LRRC37A3: variants seen among roughly 807,000 people sequenced by gnomAD.
The protein encoded by LRRC37A3 is leucine rich repeat containing 37 member A3.
A neutral mutation model predicts 106.2 loss-of-function variants in LRRC37A3; 25 were observed. The observed-to-expected ratio is 0.24, with a 90% CI of 0.17 to 0.33. The LOEUF (loss-of-function observed/expected upper bound fraction) is 0.33. Among genes scored for constraint, LRRC37A3 ranks in the 10% least tolerant of loss-of-function variants. The pLI is 1.00. For synonymous variants in LRRC37A3, 305 were observed against 635.8 expected, an observed-to-expected ratio of 0.48 and a Z score of 7.83; for missense variants, 712 against 1,644.9, an observed-to-expected ratio of 0.43 and a Z score of 9.81.
At chr17:64,915,082 TCAA>T (rs1249969787) in intron 2 of LRRC37A3, among the ~76,000 whole-genome samples, 3 of 151,988 alleles carry the variant, frequency 2.0e-5, no homozygotes, top group Non-Finnish European at 4.4e-5. Flanking sequence ...GTGACTAGAG[TCAA>T]CAATAACTTA....
chr17:64,865,528 TG>T (rs1335072245), intron 10 of LRRC37A3, among the ~76,000 whole-genome samples: 2 of 152,262 alleles, frequency 1.3e-5, no homozygotes, highest in African/African-American at 4.8e-5. Flanking sequence ...CATTTTCAAA[TG>T]GTATAATGAA....
At chr17:64,865,561 G>C (rs1973039449) in intron 10 of LRRC37A3, among the ~76,000 whole-genome samples, 1 of 152,076 alleles carries the variant, frequency 6.6e-6, no homozygotes, top group South Asian at 2.1e-4. Context: ...CTTTCATCTG[G>C]AATCAATAGT....
chr17:64,866,589 CATATATATATATATATATATATATAT>C (rs1212670512), intron 10 of LRRC37A3, among the ~76,000 whole-genome samples: 1 of 24,126 alleles, frequency 4.1e-5, no homozygotes, highest in Non-Finnish European at 7.5e-5. Context: ...TATACACGTA[CATATATATATATATATATATATATAT>C]ATATATATAT....
At chr17:64,915,866 G>A (rs1277017765) in intron 2 of LRRC37A3, among the ~76,000 whole-genome samples, 19 of 148,208 alleles carry the variant, frequency 1.3e-4, no homozygotes, top group Non-Finnish European at 1.7e-4. Flanking sequence ...GGGAGGCCAA[G>A]GTAGGCAGAT....
chr17:64,868,830 T>C (rs915921835), intron 9 of LRRC37A3, among the ~76,000 whole-genome samples: 1 of 152,216 alleles, frequency 6.6e-6, no homozygotes, highest in African/African-American at 2.4e-5. Flanking sequence ...TTTTCCCCTT[T>C]GCTTTCTTGG....
intron 8 of LRRC37A3, among the ~76,000 whole-genome samples, chr17:64,875,980 A>G (rs1973500108): frequency 6.6e-6 from 1 of 152,166 alleles, no homozygotes; most frequent in African/African-American, 2.4e-5. Flanking sequence ...CTGAACTACA[A>G]CGTTATAAAA....
chr17:64,857,235 A>G (rs1298168072), intron 13 of LRRC37A3, among the ~76,000 whole-genome samples: 1 of 152,248 alleles, frequency 6.6e-6, no homozygotes, highest in East Asian at 1.9e-4. Context: ...ATAACTAATT[A>G]GAAAATGGAA....
At chr17:64,901,374 C>CTTCACA (rs1399795377) in intron 2 of LRRC37A3, 2 of 150,120 alleles carry the variant, frequency 1.3e-5, no homozygotes, top group Non-Finnish European at 2.9e-5. Flanking sequence ...CTAGTAGACA[C>CTTCACA]TTCACATTAG....
intron 2 of LRRC37A3, among the ~76,000 whole-genome samples, chr17:64,912,992 A>G (rs1366327727): frequency 6.6e-6 from 1 of 150,666 alleles, no homozygotes; most frequent in Admixed American, 6.6e-5. Context: ...TTATACTACT[A>G]ATATAAAACA....
At chr17:64,904,138 C>CA (rs112214563) in intron 2 of LRRC37A3, among the ~76,000 whole-genome samples, 596 of 135,696 alleles carry the variant, frequency 4.4e-3, no homozygotes, top group South Asian at 0.016. Flanking sequence ...GACTCTGCTT[C>CA]AAAAAAAAAA....
At chr17:64,915,950 T>C (rs1358136716) in intron 2 of LRRC37A3, among the ~76,000 whole-genome samples, 3 of 151,824 alleles carry the variant, frequency 2.0e-5, no homozygotes, top group Non-Finnish European at 4.4e-5. Flanking sequence ...ATACAAAAAT[T>C]AGCCACACAT....
At chr17:64,858,908 G>A (rs756580917) in intron 12 of LRRC37A3, 25 bp from the exon 13 acceptor site, 18 of 1,461,894 alleles carry the variant, frequency 1.2e-5, no homozygotes, top group Non-Finnish European at 1.7e-5. Flanking sequence ...ACCAGAATGA[G>A]AGCTAACTAT....
intron 11 of LRRC37A3, 79 bp downstream of exon 11, chr17:64,862,821 A>C (rs1012595386): frequency 6.7e-7 from 1 of 1,483,206 alleles, no homozygotes; most frequent in African/African-American, 1.4e-5. Context: ...TTAGCTTAAA[A>C]TTTTATCATC....
intron 2 of LRRC37A3, among the ~76,000 whole-genome samples, chr17:64,913,648 G>T (rs1432827761): frequency 5.3e-5 from 8 of 151,612 alleles, no homozygotes; most frequent in Middle Eastern, 3.2e-3. Flanking sequence ...CCAAATAATG[G>T]TTTTTAATAT....
intron 8 of LRRC37A3, among the ~76,000 whole-genome samples, chr17:64,876,648 T>C (rs983825058): frequency 2.0e-5 from 3 of 152,182 alleles, no homozygotes; most frequent in Admixed American, 6.5e-5. Flanking sequence ...CAGAAAAATA[T>C]GAACTACTGA....
chr17:64,868,160 G>T (rs1973180935), intron 10 of LRRC37A3, among the ~76,000 whole-genome samples: 1 of 152,188 alleles, frequency 6.6e-6, no homozygotes, highest in Non-Finnish European at 1.5e-5. Flanking sequence ...AGACATTCTG[G>T]AAAAGGCAAA....
intron 8 of LRRC37A3, 32 bp from the exon 9 acceptor site, chr17:64,869,198 C>T (rs745990146): frequency 6.8e-6 from 11 of 1,608,274 alleles, no homozygotes; most frequent in Non-Finnish European, 9.3e-6. Context: ...AAATAACCTG[C>T]ATTTTCAATG....
At chr17:64,911,099 A>G (rs1399329870) in intron 2 of LRRC37A3, among the ~76,000 whole-genome samples, 1 of 152,208 alleles carries the variant, frequency 6.6e-6, no homozygotes, top group Non-Finnish European at 1.5e-5. Flanking sequence ...CATACACTGA[A>G]AGTCTCACCA....
chr17:64,863,460 G>A (rs577952191), intron 10 of LRRC37A3: 12 of 180,544 alleles, frequency 6.6e-5, no homozygotes, highest in East Asian at 3.2e-4. Context: ...CCTGGATTGC[G>A]GAGTTAAAAA....
Sources: gnomAD v4.1 joint callset for allele counts (sites outside exome capture counted in the v4.1 genomes callset) on GRCh38, gnomAD v4.1.1 for gene constraint, MANE v1.5 for transcripts, NCBI Gene and HGNC (gene_info 2026-07-23, HGNC 2026-07-21) for gene names.